The following OR10P1 variants were observed in gnomAD, a reference collection of about 807,000 sequenced individuals.
OR10P1 encodes the protein olfactory receptor family 10 subfamily P member 1, also known as olfactory receptor 10P1.
For missense variants in OR10P1, 424 were observed against 408.3 expected (o/e 1.04, Z -0.33); for synonymous variants, 181 against 171.1 (o/e 1.06, Z -0.45).
rs775176418 is a variant in OR10P1 at position 55,637,633 on chromosome 12, G to A, written c.742G>A (p.Val248Met). 2.5e-5 allele frequency: 41 copies of A among 1,613,966 alleles called. 1 individual carries two copies. Among genetic ancestry groups the A allele is most frequent in the Admixed American group, 1.7e-4 (10 of 59,998 alleles). Residue 248 changes from valine to methionine, a missense_variant, in exon 1 of 1, where the codon GTG (valine) becomes ATG (methionine). Coordinates refer to ENST00000309675, the MANE Select transcript of OR10P1 (RefSeq NM_206899.1). ...CTCCACCTGCTCCTCCCATCTGCTCGTGGTCTCTCTCTTCTTTGGAACAGC... is the reference window on the plus strand; with the variant it reads ...CTCCACCTGCTCCTCCCATCTGCTCATGGTCTCTCTCTTCTTTGGAACAGC... ...VFSTCSSHLL[V>M]VSLFFGTASI...
In OR10P1 at chr12:55,637,384, TTCTC is replaced by T. The variant is rs777537489; in HGVS notation, c.497_500del (p.Ser166TyrfsTer20). On this transcript the variant is annotated frameshift_variant, in exon 1 of 1. Transcript: ENST00000309675. LOFTEE classifies it low-confidence loss of function (END_TRUNC). The stretch of plus-strand genomic sequence containing the variant: ...GGCCACCACCCATGCCTCCCTCATC[TTCTC>T]TCTACCTTTTCGCAGCCACCCGATC... The T allele has an allele frequency of 1.4e-4, 221 of 1,612,862 alleles. No homozygotes were observed. Among genetic ancestry groups the T allele is most frequent in the Non-Finnish European group, 1.7e-4 (200 of 1,180,004 alleles).
At position 55,637,115 on chromosome 12, in the gene OR10P1, C is replaced by T. The variant is rs1868463664; in HGVS notation, c.224C>T (p.Thr75Ile). The part of the protein sequence containing the change: ...QLSVVELFYT[T>I]DIVPRTLANL... ...TCAGTGGTGGAGCTCTTCTACACCA[C>T]TGACATCGTGCCCAGGACCCTGGCC... The change falls in exon 1 of 1, where the codon ACT (threonine) becomes ATT (isoleucine). Residue 75 changes from threonine (T) to isoleucine (I), a missense_variant. Transcript: ENST00000309675. 4 of 1,614,006 alleles carry T rather than the reference C, an allele frequency of 2.5e-6. No homozygotes were observed. The highest frequency in any genetic ancestry group is 1.7e-5 in the Admixed American group (1 of 60,012).
In OR10P1 at chr12:55,637,595, G is replaced by A. The variant is rs753878405; in HGVS notation, c.704G>A (p.Arg235His). ...AILAMASTQS[R>H]RKVFSTCSSH... Reference sequence around the variant, plus strand: ...CTAGCAATGGCCTCCACCCAGAGCCGCCGCAAGGTCTTCTCCACCTGCTCC... The same window carrying A: ...CTAGCAATGGCCTCCACCCAGAGCCACCGCAAGGTCTTCTCCACCTGCTCC... Residue 235 changes from arginine to histidine, a missense_variant, in exon 1 of 1, where the codon CGC becomes CAC. By Grantham distance (29) the Arg-to-His change is conservative. Transcript: ENST00000309675. The A allele has an allele frequency of 3.5e-5, 57 of 1,613,856 alleles. No individual in the cohort carries two copies. The highest frequency in any genetic ancestry group is 6.7e-5 in the African/African-American group (5 of 74,872).
chr12:55,637,400 G>T lies in OR10P1; in HGVS notation c.509G>T (p.Arg170Leu). The part of the protein sequence containing the change: ...HASLIFSLPF[R>L]SHPIIPHFLC... Reference sequence around the variant, plus strand: ...TCCCTCATCTTCTCTCTACCTTTTCGCAGCCACCCGATCATCCCGCACTTT... The same window carrying T: ...TCCCTCATCTTCTCTCTACCTTTTCTCAGCCACCCGATCATCCCGCACTTT... Residue 170 changes from arginine to leucine, a missense_variant, in exon 1 of 1, where the codon CGC becomes CTC. By Grantham distance (102) the Arg-to-Leu change is moderately radical (BLOSUM62 -2). Coordinates refer to ENST00000309675, the MANE Select transcript of OR10P1 (RefSeq NM_206899.1). 1 of 1,612,802 alleles carries T rather than the reference G, an allele frequency of 6.2e-7. No individual in the cohort carries two copies.
At position 55,637,077 on chromosome 12, in the gene OR10P1, C is replaced by T. The variant is rs867296912; in HGVS notation, c.186C>T (p.Phe62=). ...SPALHSPMYF[F]LRQLSVVELF... The stretch of plus-strand genomic sequence containing the variant: ...CCCTGCACTCCCCCATGTACTTCTT[C>T]CTGCGCCAACTCTCAGTGGTGGAGC... Residue 62 remains phenylalanine (F), a synonymous_variant, in exon 1 of 1, where the codon TTC becomes TTT. Transcript: ENST00000309675. The T allele has an allele frequency of 1.9e-6, 3 of 1,614,088 alleles. No individual in the cohort carries two copies. Among genetic ancestry groups the T allele is most frequent in the Non-Finnish European group, 1.7e-6 (2 of 1,179,998 alleles).
Position 55,637,538 on chromosome 12 carries a change from T to A in OR10P1, c.647T>A (p.Val216Asp). Residue 216 changes from valine to aspartate, a missense_variant, in exon 1 of 1, where the codon GTC (valine) becomes GAC (aspartate). Coordinates refer to ENST00000309675, the MANE Select transcript of OR10P1 (RefSeq NM_206899.1). ...ATTATGATCCCCTTCTCTCTGATTGTCACCTCTTACATCCGCATCCTGGGT... is the reference window on the plus strand; with the variant it reads ...ATTATGATCCCCTTCTCTCTGATTGACACCTCTTACATCCGCATCCTGGGT... ...VFIMIPFSLI[V>D]TSYIRILGAI... is the part of the protein sequence containing the mutation. 6.2e-7 allele frequency: 1 copy of A among 1,614,134 alleles called. No homozygotes were observed. The highest frequency in any genetic ancestry group is 8.5e-7 in the Non-Finnish European group (1 of 1,180,034).
Position 55,637,313 on chromosome 12 carries a change from C to T in OR10P1, c.422C>T (p.Ala141Val), listed in dbSNP as rs767396970. 2.5e-5 allele frequency: 40 copies of T among 1,613,888 alleles called. No homozygotes were observed. The highest frequency in any genetic ancestry group is 3.3e-5 in the Non-Finnish European group (39 of 1,180,036). ...LRYSTLLSPR[A>V]CMAMVGTSWL... ...TATTCCACCCTCTTGAGCCCACGGG[C>T]CTGCATGGCCATGGTGGGTACCTCC... is the stretch of plus-strand genomic sequence containing the variant. Residue 141 changes from alanine (A) to valine (V), a missense_variant, in exon 1 of 1, where the codon GCC (alanine) becomes GTC (valine). Physicochemically the swap from Ala to Val is moderately conservative, Grantham distance 64. Coordinates refer to ENST00000309675, the MANE Select transcript of OR10P1 (RefSeq NM_206899.1).
Position 55,637,680 on chromosome 12 carries a change from G to A in OR10P1, c.789G>A (p.Pro263=), listed in dbSNP as rs143887647. The A allele has an allele frequency of 8.9e-4, 1,436 of 1,614,060 alleles. 14 individuals are homozygous for A. The highest frequency in any genetic ancestry group is 8.7e-3 in the South Asian group (792 of 91,068). The change falls in exon 1 of 1, where the codon CCG becomes CCA. Residue 263 remains proline, a synonymous_variant. Coordinates refer to ENST00000309675, the MANE Select transcript of OR10P1 (RefSeq NM_206899.1). ...CAGCCAGCATCACCTACATCCGGCC[G>A]CAGGCAGGCTCCTCTGTTACCACAG... ...FGTASITYIR[P]QAGSSVTTDR... is the part of the protein sequence containing the mutation.
In OR10P1 at chr12:55,637,452, G is replaced by A. The variant is rs769935432; in HGVS notation, c.561G>A (p.Arg187=). 3.7e-6 allele frequency: 6 copies of A among 1,613,866 alleles called. No individual in the cohort carries two copies. The highest frequency in any genetic ancestry group is 1.1e-5 in the South Asian group (1 of 91,082). ...TCTGTGACATCCTGCCAGTACTGAG[G>A]CTGGCAAGTGCTGGGAAGCACAGGA... ...HFLCDILPVL[R]LASAGKHRSE... is the part of the protein sequence containing the mutation. The change falls in exon 1 of 1, where the codon AGG becomes AGA. Residue 187 remains arginine, a synonymous_variant. Coordinates refer to ENST00000309675, the MANE Select transcript of OR10P1 (RefSeq NM_206899.1).
In OR10P1 at chr12:55,637,350, C is replaced by T. The variant is rs751232509; in HGVS notation, c.459C>T (p.Gly153=). The T allele has an allele frequency of 1.2e-6, 2 of 1,613,446 alleles. No individual in the cohort carries two copies. Among genetic ancestry groups the T allele is most frequent in the Non-Finnish European group, 1.7e-6 (2 of 1,180,026 alleles). The change falls in exon 1 of 1, where the codon GGC becomes GGT. Residue 153 remains glycine, a synonymous_variant. Transcript: ENST00000309675. ...MAMVGTSWLT[G]IITATTHASL... is the part of the protein sequence containing the mutation. Reference sequence around the variant, plus strand: ...TGGTGGGTACCTCCTGGCTCACAGGCATCATCACGGCCACCACCCATGCCT... The same window carrying T: ...TGGTGGGTACCTCCTGGCTCACAGGTATCATCACGGCCACCACCCATGCCT...
rs147317388 is a variant in OR10P1, at chr12:55,637,419, G to A, written c.528G>A (p.Pro176=). The A allele has an allele frequency of 2.0e-5, 33 of 1,613,388 alleles. No individual in the cohort carries two copies. The highest frequency in any genetic ancestry group is 1.3e-4 in the East Asian group (6 of 44,860). ...CTTTTCGCAGCCACCCGATCATCCC[G>A]CACTTTCTCTGTGACATCCTGCCAG... ...SLPFRSHPII[P]HFLCDILPVL... Residue 176 remains proline, a synonymous_variant, in exon 1 of 1, where the codon CCG becomes CCA. Transcript: ENST00000309675.
At position 55,637,560 on chromosome 12, in the gene OR10P1, G is replaced by A; in HGVS notation, c.669G>A (p.Leu223=). 6.2e-7 allele frequency: 1 copy of A among 1,614,028 alleles called. No individual in the cohort carries two copies. The highest frequency in any genetic ancestry group is 8.5e-7 in the Non-Finnish European group (1 of 1,180,008). Residue 223 remains leucine, a synonymous_variant, in exon 1 of 1, where the codon CTG becomes CTA. Transcript: ENST00000309675. ...TTGTCACCTCTTACATCCGCATCCTGGGTGCCATCCTAGCAATGGCCTCCA... is the reference window on the plus strand; with the variant it reads ...TTGTCACCTCTTACATCCGCATCCTAGGTGCCATCCTAGCAATGGCCTCCA... ...SLIVTSYIRI[L]GAILAMASTQ...
At position 55,637,435 on chromosome 12, in the gene OR10P1, A is replaced by G; in HGVS notation, c.544A>G (p.Ile182Val). The G allele has an allele frequency of 3.1e-6, 5 of 1,613,826 alleles. No homozygotes were observed. The highest frequency in any genetic ancestry group is 4.2e-6 in the Non-Finnish European group (5 of 1,180,006). The change falls in exon 1 of 1, where the codon ATC (isoleucine) becomes GTC (valine). Residue 182 changes from isoleucine (I) to valine (V), a missense_variant. By Grantham distance (29) the Ile-to-Val change is conservative. Coordinates refer to ENST00000309675, the MANE Select transcript of OR10P1 (RefSeq NM_206899.1). ...HPIIPHFLCD[I>V]LPVLRLASAG... ...GATCATCCCGCACTTTCTCTGTGAC[A>G]TCCTGCCAGTACTGAGGCTGGCAAG...
Position 55,637,449 on chromosome 12 carries a change from G to T in OR10P1, c.558G>T (p.Leu186=). 1 of 1,613,852 alleles carries T rather than the reference G, an allele frequency of 6.2e-7. No homozygotes were observed. ...TTCTCTGTGACATCCTGCCAGTACT[G>T]AGGCTGGCAAGTGCTGGGAAGCACA... ...PHFLCDILPV[L]RLASAGKHRS... Residue 186 remains leucine, a synonymous_variant, in exon 1 of 1, where the codon CTG becomes CTT. Transcript: ENST00000309675.
chr12:55,637,365 C>T lies in OR10P1; in HGVS notation c.474C>T (p.Thr158=), dbSNP rs779483405. Residue 158 remains threonine (T), a synonymous_variant, in exon 1 of 1, where the codon ACC becomes ACT. Coordinates refer to ENST00000309675, the MANE Select transcript of OR10P1 (RefSeq NM_206899.1). ...GGCTCACAGGCATCATCACGGCCACCACCCATGCCTCCCTCATCTTCTCTC... is the reference window on the plus strand; with the variant it reads ...GGCTCACAGGCATCATCACGGCCACTACCCATGCCTCCCTCATCTTCTCTC... ...TSWLTGIITA[T]THASLIFSLP... The T allele has an allele frequency of 7.4e-6, 12 of 1,613,058 alleles. No homozygotes were observed. The African/African-American group carries it at 1.1e-4, about 14-fold the overall frequency.
chr12:55,636,986 T>C lies in OR10P1; in HGVS notation c.95T>C (p.Leu32Pro). 1 of 1,613,868 alleles carries C rather than the reference T, an allele frequency of 6.2e-7. No homozygotes were observed. Among genetic ancestry groups the C allele is most frequent in the Non-Finnish European group, 8.5e-7 (1 of 1,179,806 alleles). Residue 32 changes from leucine (L) to proline (P), a missense_variant, in exon 1 of 1, where the codon CTT becomes CCT. Physicochemically the swap from Leu to Pro is moderately conservative, Grantham distance 98. Transcript: ENST00000309675. The part of the protein sequence containing the change: ...ALQGPLFWVV[L>P]LVYLVTLLGN... ...CAGGGCCCCCTGTTCTGGGTGGTGC[T>C]TCTGGTCTACCTGGTCACCTTGCTG...
rs534424039 is a variant in OR10P1, at chr12:55,637,371, T to C, written c.480T>C (p.His160=). Residue 160 remains histidine (H), a synonymous_variant, in exon 1 of 1, where the codon CAT becomes CAC. Coordinates refer to ENST00000309675, the MANE Select transcript of OR10P1 (RefSeq NM_206899.1). ...WLTGIITATT[H]ASLIFSLPFR... ...CAGGCATCATCACGGCCACCACCCA[T>C]GCCTCCCTCATCTTCTCTCTACCTT... 7 of 1,613,020 alleles carry C rather than the reference T, an allele frequency of 4.3e-6. No individual in the cohort carries two copies. The South Asian group carries it at 7.7e-5, about 18-fold the overall frequency.
chr12:55,637,557 C>A lies in OR10P1; in HGVS notation c.666C>A (p.Ile222=), dbSNP rs1462712896. ...FSLIVTSYIR[I]LGAILAMAST... is the part of the protein sequence containing the mutation. ...TGATTGTCACCTCTTACATCCGCATCCTGGGTGCCATCCTAGCAATGGCCT... is the reference window on the plus strand; with the variant it reads ...TGATTGTCACCTCTTACATCCGCATACTGGGTGCCATCCTAGCAATGGCCT... Residue 222 remains isoleucine (I), a synonymous_variant, in exon 1 of 1, where the codon ATC becomes ATA. Transcript: ENST00000309675. 1 of 1,614,134 alleles carries A rather than the reference C, an allele frequency of 6.2e-7. No individual in the cohort carries two copies. Among genetic ancestry groups the A allele is most frequent in the Non-Finnish European group, 8.5e-7 (1 of 1,180,028 alleles).
In OR10P1 at chr12:55,637,708, C is replaced by T. The variant is rs769635291; in HGVS notation, c.817C>T (p.Arg273Cys). 9.9e-6 allele frequency: 16 copies of T among 1,613,846 alleles called. No homozygotes were observed. The highest frequency in any genetic ancestry group is 6.7e-5 in the Admixed American group (4 of 60,008). Residue 273 changes from arginine to cysteine, a missense_variant, in exon 1 of 1, where the codon CGC becomes TGC. Coordinates refer to ENST00000309675, the MANE Select transcript of OR10P1 (RefSeq NM_206899.1). ...PQAGSSVTTDRVLSLFYTVIT... is the reference protein window; with the variant it reads ...PQAGSSVTTDCVLSLFYTVIT... Reference sequence around the variant, plus strand: ...GGCAGGCTCCTCTGTTACCACAGACCGCGTCCTCAGTCTCTTCTACACAGT... The same window carrying T: ...GGCAGGCTCCTCTGTTACCACAGACTGCGTCCTCAGTCTCTTCTACACAGT...
Sources: gnomAD v4.1 joint callset for allele counts on GRCh38, gnomAD v4.1.1 for gene constraint, MANE v1.5 for transcripts, NCBI Gene and HGNC (gene_info 2026-07-23, HGNC 2026-07-21) for gene names.